Variants in PHKB observed in about 807,000 individuals in gnomAD.
PHKB encodes the protein phosphorylase b kinase regulatory subunit beta.
PHKB carries 122 observed loss-of-function variants against 152.1 expected under a neutral mutation model. The observed-to-expected ratio is 0.80, with a 90% CI of 0.69 to 0.93. The LOEUF is 0.93. Ranked by LOEUF, PHKB falls within the 40% of genes least tolerant of loss-of-function variation. The pLI is 0.00. For missense variants in PHKB, 1,304 were observed against 1,328.4 expected, an observed-to-expected ratio of 0.98 and a Z score of 0.29; for synonymous variants, 436 against 464.9, an observed-to-expected ratio of 0.94 and a Z score of 0.80.
At chr16:47,693,594 C>G in intron 28 of PHKB, 87 bp downstream of exon 28, 5 of 1,364,402 alleles carry the variant, frequency 3.7e-6, no homozygotes, top group Non-Finnish European at 4.2e-6. Flanking sequence ...TAACTTTTCT[C>G]CTTTTCAGCG....
chr16:47,476,458 T>C (rs1969870364), intron 1 of PHKB, among the ~76,000 whole-genome samples: 2 of 152,176 alleles, frequency 1.3e-5, no homozygotes, highest in African/African-American at 2.4e-5. Context: ...GGCTTGTAGC[T>C]TTGATAATAA....
intron 3 of PHKB, among the ~76,000 whole-genome samples, chr16:47,501,469 G>A (rs774126653): frequency 1.3e-5 from 2 of 152,088 alleles, no homozygotes; most frequent in Admixed American, 6.5e-5. Context: ...CCAAGACTAT[G>A]TATTAGATCA....
intron 25 of PHKB, among the ~76,000 whole-genome samples, chr16:47,668,318 G>A (rs998444523): frequency 7.2e-5 from 11 of 152,084 alleles, no homozygotes; most frequent in African/African-American, 2.7e-4. Context: ...TAATAAACCA[G>A]CAGTTCACAG....
intron 26 of PHKB, among the ~76,000 whole-genome samples, chr16:47,678,778 G>C (rs1973787938): frequency 6.6e-6 from 1 of 152,050 alleles, no homozygotes. Context: ...AGTTTAATTA[G>C]ATCCCATTTG....
chr16:47,658,734 G>A (rs1973384134), intron 20 of PHKB, among the ~76,000 whole-genome samples: 1 of 150,662 alleles, frequency 6.6e-6, no homozygotes, highest in Non-Finnish European at 1.5e-5. Context: ...ACACTCTATG[G>A]GTGTTCACAC....
intron 7 of PHKB, among the ~76,000 whole-genome samples, chr16:47,554,096 C>T (rs1321559490): frequency 6.6e-6 from 1 of 152,154 alleles, no homozygotes; most frequent in Admixed American, 6.5e-5. Context: ...CAAGAAGGGA[C>T]GTTTAAGTCT....
chr16:47,464,299 G>T, intron 1 of PHKB: 1 of 382,598 alleles, frequency 2.6e-6, no homozygotes, highest in Non-Finnish European at 4.8e-6. Flanking sequence ...TTTCTTAAAT[G>T]ATTTTTGTCT....
chr16:47,551,271 G>T (rs549230755), intron 7 of PHKB, among the ~76,000 whole-genome samples: 1 of 152,058 alleles, frequency 6.6e-6, no homozygotes, highest in Non-Finnish European at 1.5e-5. Flanking sequence ...GAATTTGTTT[G>T]CTCTTGCTTC....
chr16:47,514,052 C>T (rs148095097), intron 5 of PHKB, among the ~76,000 whole-genome samples: 96 of 152,330 alleles, frequency 6.3e-4, no homozygotes, highest in African/African-American at 2.1e-3. Context: ...TAGGCAGCAA[C>T]CAGTCTTTCT....
At position 47,661,957 on chromosome 16, in the gene PHKB, C is replaced by T. The variant is rs79043701; in HGVS notation, c.2278+157C>T. 7.1e-3 allele frequency among the ~76,000 whole-genome samples: 1,074 copies of T among 152,236 alleles called. 15 individuals carry two copies. The highest frequency in any genetic ancestry group is 0.025 in the African/African-American group (1,029 of 41,518). ...TGAATGGAAAATGTTCATTCATACC[C>T]CCTAGAGTGGAGGAGACTGATGTAT... On this transcript the variant is annotated intron_variant, in intron 23 of 30. Coordinates refer to ENST00000323584, the MANE Select transcript of PHKB (RefSeq NM_000293.3).
intron 16 of PHKB, among the ~76,000 whole-genome samples, chr16:47,644,827 C>T (rs929564415): frequency 3.3e-5 from 5 of 152,118 alleles, no homozygotes; most frequent in African/African-American, 1.2e-4. Context: ...TACTGTATAA[C>T]TAAATATAGC....
At chr16:47,493,639 A>G (rs1179691689) in intron 1 of PHKB, among the ~76,000 whole-genome samples, 6 of 152,232 alleles carry the variant, frequency 3.9e-5, no homozygotes, top group Non-Finnish European at 7.3e-5. Flanking sequence ...ATAGTTGTCC[A>G]TAATTTTCGT....
intron 13 of PHKB, among the ~76,000 whole-genome samples, chr16:47,603,855 A>G (rs1307087807): frequency 6.6e-6 from 1 of 152,092 alleles, no homozygotes; most frequent in Non-Finnish European, 1.5e-5. Flanking sequence ...TCTTACAAAC[A>G]TCATCCTAAG....
intron 4 of PHKB, among the ~76,000 whole-genome samples, chr16:47,508,696 G>T (rs1252726951): frequency 6.6e-6 from 1 of 152,096 alleles, no homozygotes; most frequent in Admixed American, 6.5e-5. Context: ...ATTTATTTTA[G>T]TCTAGAAACT....
In PHKB at chr16:47,573,177, T is replaced by G. The variant is rs150286601; in HGVS notation, c.711-7118T>G. On this transcript the variant is annotated intron_variant, in intron 7 of 30. Coordinates refer to ENST00000323584, the MANE Select transcript of PHKB (RefSeq NM_000293.3). ...AGTAGGATTCACAGTGAAGTGGCAC[T>G]AGCAGGAGAGAGCCAGCTACAGTGG... Among the ~76,000 whole-genome samples, 763 of 152,262 alleles carry G rather than the reference T, an allele frequency of 5.0e-3. 3 individuals carry two copies. Among genetic ancestry groups the G allele is most frequent in the Non-Finnish European group, 7.5e-3 (510 of 68,010 alleles).
At chr16:47,599,753 C>T (rs1972187852) in intron 13 of PHKB, among the ~76,000 whole-genome samples, 1 of 152,190 alleles carries the variant, frequency 6.6e-6, no homozygotes, top group South Asian at 2.1e-4. Context: ...AAACCACATA[C>T]ATATCTCCAG....
intron 13 of PHKB, among the ~76,000 whole-genome samples, chr16:47,606,901 T>A (rs1972334851): frequency 6.6e-6 from 1 of 152,132 alleles, no homozygotes; most frequent in South Asian, 2.1e-4. Flanking sequence ...ATCCTCGTTA[T>A]ACCCTAGGAT....
intron 1 of PHKB, among the ~76,000 whole-genome samples, chr16:47,480,806 C>T (rs1432814014): frequency 2.0e-5 from 3 of 151,818 alleles, no homozygotes; most frequent in Non-Finnish European, 2.9e-5. Flanking sequence ...CTTTCAGTTT[C>T]GTATTACATA....
chr16:47,690,374 A>T (rs1485712810), intron 27 of PHKB, among the ~76,000 whole-genome samples: 1 of 152,210 alleles, frequency 6.6e-6, no homozygotes, highest in Non-Finnish European at 1.5e-5. Context: ...TAATGACTCA[A>T]CCCAAGGACA....
Sources: allele counts gnomAD v4.1 joint callset (sites outside exome capture counted in the v4.1 genomes callset), GRCh38; gene constraint gnomAD v4.1.1; transcripts MANE v1.5; gene names NCBI Gene and HGNC (gene_info 2026-07-23, HGNC 2026-07-21).